The following GHR variants were observed in gnomAD, a reference collection of about 807,000 sequenced individuals.
The protein encoded by GHR is GH receptor.
A neutral mutation model predicts 67.1 loss-of-function variants in GHR; 35 were observed. That is an observed-to-expected ratio of 0.52 (90% CI 0.40 to 0.69). The LOEUF (loss-of-function observed/expected upper bound fraction) is 0.69. GHR is among the 30% of genes least tolerant of loss of function. The pLI is 0.00. For synonymous variants in GHR, 272 were observed against 269.1 expected, an observed-to-expected ratio of 1.01 and a Z score of -0.10; for missense variants, 792 against 764.6, an observed-to-expected ratio of 1.04 and a Z score of -0.42.
At position 42,721,877 on chromosome 5, in the gene GHR, C is replaced by T. The variant is rs1483654997; in HGVS notation, c.*2453C>T. 6.6e-6 allele frequency: 1 copy of T among 152,172 alleles called. No individual in the cohort carries two copies. Among genetic ancestry groups the T allele is most frequent in the Non-Finnish European group, 1.5e-5 (1 of 68,020 alleles). 9.4% of individuals were successfully genotyped at this position (152,172 alleles called of 1,614,324 possible). A position where few individuals can be genotyped will look rare whatever the true frequency, so the allele number is the denominator to read the frequency against. On this transcript the variant is annotated 3_prime_UTR_variant, in exon 10 of 10. Transcript: ENST00000230882. ...ACACCAACATAAAAATGATCTAAAC[C>T]ACTCTGTATACTGTGAATTATCATT... is the stretch of plus-strand genomic sequence containing the variant.
intron 8 of GHR, among the ~76,000 whole-genome samples, chr5:42,717,503 A>G (rs1416462541): frequency 6.6e-6 from 1 of 152,194 alleles, no homozygotes; most frequent in African/African-American, 2.4e-5. Flanking sequence ...CCCATCTGAA[A>G]TGAACCCTGT....
At chr5:42,509,746 A>G (rs1331043720) in intron 1 of GHR, among the ~76,000 whole-genome samples, 2 of 144,466 alleles carry the variant, frequency 1.4e-5, no homozygotes, top group African/African-American at 5.2e-5. Context: ...TTTTTTTTAC[A>G]CGTCTACCTC....
intron 1 of GHR, among the ~76,000 whole-genome samples, chr5:42,547,395 CAAT>C (rs1469041557): frequency 3.3e-5 from 5 of 152,086 alleles, no homozygotes; most frequent in African/African-American, 4.8e-5. Flanking sequence ...ACTCCACACT[CAAT>C]GATGGGAATG....
chr5:42,682,701 T>G (rs1158811392), intron 3 of GHR, among the ~76,000 whole-genome samples: 1 of 152,222 alleles, frequency 6.6e-6, no homozygotes, highest in African/African-American at 2.4e-5. Context: ...CTGTGATACA[T>G]TCCATTTGCT....
Position 42,424,900 on chromosome 5 carries a change from G to A in GHR, c.-12+945G>A. ...GTGTCCTGAATGAGTGTACGTGTGC[G>A]CTGTGTGTGCGCGCGCGAGTGTGCG... is the stretch of plus-strand genomic sequence containing the variant. On this transcript the variant is annotated intron_variant, in intron 1 of 9. Transcript: ENST00000230882. The surrounding 1 kb of genome is among the most constrained non-coding windows in gnomAD (Gnocchi z 4.1). 9.6e-6 allele frequency: 6 copies of A among 625,772 alleles called. No individual in the cohort carries two copies. Among genetic ancestry groups the A allele is most frequent in the Non-Finnish European group, 1.0e-5 (5 of 501,116 alleles). 38.8% of individuals were successfully genotyped at this position (625,772 alleles called of 1,614,324 possible).
intron 1 of GHR, among the ~76,000 whole-genome samples, chr5:42,444,681 CTT>C (rs1164264768): frequency 1.3e-5 from 2 of 152,142 alleles, no homozygotes; most frequent in Non-Finnish European, 2.9e-5. Flanking sequence ...TGAACTACCT[CTT>C]TGCTCTCAAC....
intron 8 of GHR, among the ~76,000 whole-genome samples, chr5:42,715,447 AC>A (rs1207703545): frequency 1.3e-5 from 2 of 152,076 alleles, no homozygotes; most frequent in African/African-American, 4.8e-5. Flanking sequence ...AACCCACTTC[AC>A]CCTGCTTTAA....
chr5:42,445,441 C>G (rs1743768190), intron 1 of GHR, among the ~76,000 whole-genome samples: 1 of 152,146 alleles, frequency 6.6e-6, no homozygotes, highest in Non-Finnish European at 1.5e-5. Flanking sequence ...CAGAAAATAT[C>G]CCACTCTGAG....
intron 2 of GHR, 116 bp downstream of exon 2, chr5:42,566,060 C>A: frequency 8.1e-7 from 1 of 1,227,210 alleles, no homozygotes; most frequent in Non-Finnish European, 1.2e-6. Context: ...TACATAGCAG[C>A]AAAAAGGAAA....
chr5:42,571,565 C>T (rs555928998), intron 2 of GHR, among the ~76,000 whole-genome samples: 6 of 152,132 alleles, frequency 3.9e-5, no homozygotes, highest in East Asian at 1.9e-4. Context: ...TAGGCTCCCA[C>T]GGAAAATGAG....
chr5:42,483,266 G>GA (rs1745734460), intron 1 of GHR, among the ~76,000 whole-genome samples: 2 of 152,216 alleles, frequency 1.3e-5, no homozygotes, highest in African/African-American at 4.8e-5. Context: ...TGCCCAGGCT[G>GA]ATCTCCAACA....
At chr5:42,709,979 C>T (rs1432257671) in intron 6 of GHR, among the ~76,000 whole-genome samples, 1 of 151,636 alleles carries the variant, frequency 6.6e-6, no homozygotes, top group Non-Finnish European at 1.5e-5. Context: ...TTAGTGAAAT[C>T]TTTAAAGAAA....
At chr5:42,640,786 C>A (rs555480887) in intron 3 of GHR, among the ~76,000 whole-genome samples, 1 of 140,164 alleles carries the variant, frequency 7.1e-6, no homozygotes, top group Admixed American at 7.0e-5. Context: ...GTGTGTGTAT[C>A]TTTTAATTGC....
chr5:42,554,678 G>A (rs1405113511), intron 1 of GHR, among the ~76,000 whole-genome samples: 1 of 152,016 alleles, frequency 6.6e-6, no homozygotes, highest in Admixed American at 6.6e-5. Context: ...TTAAACACTT[G>A]AAATGGAACT....
intron 1 of GHR, among the ~76,000 whole-genome samples, chr5:42,430,624 GTGTGTGTGTGTGTA>G (rs1348964038): frequency 2.0e-5 from 3 of 151,624 alleles, no homozygotes; most frequent in Non-Finnish European, 1.5e-5. Flanking sequence ...GTGTGTGTGT[GTGTGTGTGTGTGTA>G]TGTGTGTGTT....
At chr5:42,589,323 C>T (rs1751656823) in intron 2 of GHR, among the ~76,000 whole-genome samples, 2 of 152,246 alleles carry the variant, frequency 1.3e-5, no homozygotes, top group East Asian at 1.9e-4. Flanking sequence ...TTGAACTTAT[C>T]GTTAGCTTTG....
intron 3 of GHR, among the ~76,000 whole-genome samples, chr5:42,642,268 T>C (rs1420781141): frequency 1.3e-5 from 2 of 152,118 alleles, no homozygotes; most frequent in African/African-American, 4.8e-5. Context: ...GTACAATGAA[T>C]TTCACAAATG....
At chr5:42,482,880 C>T (rs1050056491) in intron 1 of GHR, among the ~76,000 whole-genome samples, 6 of 152,158 alleles carry the variant, frequency 3.9e-5, no homozygotes, top group African/African-American at 1.4e-4. Context: ...GTGTGCTGCA[C>T]CCACTGTCCT....
At chr5:42,517,118 CT>C (rs1165717594) in intron 1 of GHR, among the ~76,000 whole-genome samples, 1 of 151,818 alleles carries the variant, frequency 6.6e-6, no homozygotes, top group Non-Finnish European at 1.5e-5. Context: ...TAAAACTCCT[CT>C]TCTCAAAGCA....
Sources: gnomAD v4.1 joint callset for allele counts (sites outside exome capture counted in the v4.1 genomes callset) on GRCh38, gnomAD v4.1.1 for gene constraint, Gnocchi (gnomAD v3.1) non-coding constraint, MANE v1.5 for transcripts, NCBI Gene and HGNC (gene_info 2026-07-23, HGNC 2026-07-21) for gene names.